The following NBAS variants were observed in gnomAD, a reference collection of about 807,000 sequenced individuals.
NBAS encodes the protein NAG/BC035112 fusion.
A neutral mutation model predicts 302.5 loss-of-function variants in NBAS; 219 were observed. The observed-to-expected ratio is 0.72, with a 90% CI of 0.65 to 0.81. NBAS has a LOEUF of 0.81. Ranked by LOEUF, NBAS falls within the 30% of genes least tolerant of loss-of-function variation. The pLI is 0.00. For missense variants in NBAS, 2,932 were observed against 2,841.6 expected (o/e 1.03, Z -0.72); for synonymous variants, 1,118 against 1,021.6 (o/e 1.09, Z -1.80).
the NBAS span, among the ~76,000 whole-genome samples, chr2:15,023,279 G>A: frequency 6.6e-6 from 1 of 152,094 alleles, no homozygotes. Context: ...TATGGTATGT[G>A]CTCAAACACA....
the NBAS span, among the ~76,000 whole-genome samples, chr2:14,877,324 C>A: frequency 2.6e-5 from 4 of 152,156 alleles, no homozygotes; most frequent in Non-Finnish European, 1.5e-5. Flanking sequence ...CATTCCACCC[C>A]CCTTGATTCA....
rs1241684307 is a variant in NBAS at position 15,561,186 on chromosome 2, A to C, written c.117+2T>G. 6.2e-7 allele frequency: 1 copy of C among 1,612,312 alleles called. No homozygotes were observed. The highest frequency in any genetic ancestry group is 1.1e-5 in the South Asian group (1 of 90,930). ...CTGCTGCTGTAGATGGGCCTGGTTC[A>C]CCTGTACTTCAGTCTCCGGTGGCCA... On this transcript the variant is annotated splice_donor_variant, in intron 1 of 51. Coordinates refer to ENST00000281513, the MANE Select transcript of NBAS (RefSeq NM_015909.4). LOFTEE classifies it high-confidence loss of function.
the NBAS span, among the ~76,000 whole-genome samples, chr2:14,785,332 C>G: frequency 6.6e-6 from 1 of 152,024 alleles, no homozygotes; most frequent in Non-Finnish European, 1.5e-5. Context: ...GCCTAATTGC[C>G]CTGGCCAGAA....
chr2:15,261,012 ACT>A (rs1668827496), intron 44 of NBAS, among the ~76,000 whole-genome samples: 1 of 152,182 alleles, frequency 6.6e-6, no homozygotes, highest in Admixed American at 6.5e-5. Flanking sequence ...GTGAGTTATA[ACT>A]CAGAGTTTTT....
At chr2:15,524,566 T>A (rs1450524813) in intron 9 of NBAS, among the ~76,000 whole-genome samples, 1 of 152,112 alleles carries the variant, frequency 6.6e-6, no homozygotes, top group African/African-American at 2.4e-5. Flanking sequence ...ATGTCAACCA[T>A]CAATCTTAGC....
chr2:15,388,781 A>C (rs1246869273), intron 28 of NBAS, among the ~76,000 whole-genome samples: 3 of 152,226 alleles, frequency 2.0e-5, no homozygotes, highest in Non-Finnish European at 1.5e-5. Flanking sequence ...TTACGTTCAC[A>C]AAATGGAATA....
At chr2:15,508,585 T>A (rs1187850948) in intron 10 of NBAS, among the ~76,000 whole-genome samples, 1 of 152,214 alleles carries the variant, frequency 6.6e-6, no homozygotes, top group East Asian at 1.9e-4. Flanking sequence ...AACACGAGTA[T>A]ACCTCTCACC....
chr2:15,067,393 G>GAAAA, the NBAS span, among the ~76,000 whole-genome samples: 1 of 56,518 alleles, frequency 1.8e-5, no homozygotes, highest in Non-Finnish European at 3.1e-5. Context: ...AGGAGGGGAG[G>GAAAA]GGAGGGGAGG....
At chr2:15,016,452 C>T in the NBAS span, among the ~76,000 whole-genome samples, 1 of 152,002 alleles carries the variant, frequency 6.6e-6, no homozygotes, top group African/African-American at 2.4e-5. Context: ...AACTACAAAA[C>T]ACTGATGAAA....
chr2:15,150,895 C>T, the NBAS span, among the ~76,000 whole-genome samples: 1 of 152,166 alleles, frequency 6.6e-6, no homozygotes, highest in Non-Finnish European at 1.5e-5. Context: ...TAAAGTCTTA[C>T]ATTCAGATTT....
the NBAS span, among the ~76,000 whole-genome samples, chr2:15,084,063 A>G: frequency 6.7e-6 from 1 of 148,484 alleles, no homozygotes; most frequent in Admixed American, 6.7e-5. Context: ...AATTTATTTT[A>G]TTTTTTGAGA....
At chr2:14,860,075 G>A in the NBAS span, among the ~76,000 whole-genome samples, 3 of 151,730 alleles carry the variant, frequency 2.0e-5, no homozygotes, top group Non-Finnish European at 2.9e-5. Context: ...TGGCCAACAG[G>A]TATATGAAAA....
At chr2:15,093,996 G>A in the NBAS span, among the ~76,000 whole-genome samples, 14 of 152,240 alleles carry the variant, frequency 9.2e-5, no homozygotes, top group African/African-American at 3.1e-4. Flanking sequence ...CTAGTTTCTT[G>A]TTACTAAGAG....
intron 35 of NBAS, among the ~76,000 whole-genome samples, chr2:15,342,807 T>C (rs1040335707): frequency 4.6e-5 from 7 of 152,082 alleles, no homozygotes; most frequent in Non-Finnish European, 5.9e-5. Flanking sequence ...TCAAGAAATA[T>C]AGTGTGCCGG....
At chr2:14,806,498 C>T in the NBAS span, among the ~76,000 whole-genome samples, 211 of 152,220 alleles carry the variant, frequency 1.4e-3, 1 homozygote, top group African/African-American at 4.7e-3. Flanking sequence ...TTTAAAAGAG[C>T]GATTCCATGC....
chr2:15,498,283 T>C (rs1422739350), intron 11 of NBAS, among the ~76,000 whole-genome samples: 1 of 152,202 alleles, frequency 6.6e-6, no homozygotes, highest in East Asian at 1.9e-4. Flanking sequence ...CTAATCTGAT[T>C]CTAATCTATA....
the NBAS span, among the ~76,000 whole-genome samples, chr2:14,929,111 AGAG>A: frequency 2.7e-4 from 41 of 152,288 alleles, no homozygotes; most frequent in East Asian, 1.4e-3. Context: ...ATCAAAGAGA[AGAG>A]GAGAAGTCTA....
chr2:15,133,339 T>G, the NBAS span, among the ~76,000 whole-genome samples: 4 of 151,762 alleles, frequency 2.6e-5, no homozygotes, highest in South Asian at 2.1e-4. Flanking sequence ...GGCAGGGAAG[T>G]GAAATGAAGA....
intron 40 of NBAS, 46 bp downstream of exon 40, chr2:15,308,170 A>C: frequency 6.2e-7 from 1 of 1,612,950 alleles, no homozygotes. Flanking sequence ...ATTTTAGAAA[A>C]GGCTTAACTC....
Sources: allele counts gnomAD v4.1 joint callset (sites outside exome capture counted in the v4.1 genomes callset), GRCh38; gene constraint gnomAD v4.1.1; transcripts MANE v1.5; gene names NCBI Gene and HGNC (gene_info 2026-07-23, HGNC 2026-07-21).